Variants in KCNAB2 observed in about 807,000 individuals in gnomAD.
KCNAB2 encodes the protein potassium voltage-gated channel subfamily A regulatory beta subunit 2.
A neutral mutation model predicts 63.6 loss-of-function variants in KCNAB2; 29 were observed. The ratio of observed to expected loss-of-function variants is 0.46; its 90% confidence interval spans 0.34 to 0.62. The LOEUF (loss-of-function observed/expected upper bound fraction) is 0.62, where lower values mean the gene tolerates loss of function less well. Among genes scored for constraint, KCNAB2 ranks in the 20% least tolerant of loss-of-function variants. KCNAB2 has a pLI of 0.01. For missense variants in KCNAB2, 359 were observed against 563.9 expected, an observed-to-expected ratio of 0.64 and a Z score of 3.68; for synonymous variants, 222 against 224.2, an observed-to-expected ratio of 0.99 and a Z score of 0.09.
At chr1:6,084,668 T>G (rs1028465580) in intron 5 of KCNAB2, among the ~76,000 whole-genome samples, 6 of 151,980 alleles carry the variant, frequency 3.9e-5, no homozygotes, top group African/African-American at 1.2e-4. Flanking sequence ...ATACAAAAAT[T>G]AGCCGGGCGT....
chr1:6,015,195 C>T (rs757319762), intron 1 of KCNAB2, among the ~76,000 whole-genome samples: 10 of 152,010 alleles, frequency 6.6e-5, no homozygotes, highest in Non-Finnish European at 1.2e-4. Flanking sequence ...CCATGCCCAG[C>T]TACTTTTTGT....
chr1:6,087,381 G>C lies in KCNAB2; in HGVS notation c.426-86G>C. ...GGGTGGGAGGGCTTTCAGGACCTCT[G>C]TGTGAGAGATGAGGACGTCGGGGAT... On this transcript the variant is annotated intron_variant, in intron 6 of 15. Transcript: ENST00000378083. The surrounding 1 kb of genome is among the most constrained non-coding windows in gnomAD (Gnocchi z 6.4). 7.0e-7 allele frequency: 1 copy of C among 1,433,090 alleles called. No homozygotes were observed. The highest frequency in any genetic ancestry group is 9.8e-7 in the Non-Finnish European group (1 of 1,015,490). The allele number at this position is 1,433,090 out of a possible 1,614,324, so 88.8% of individuals were successfully genotyped here.
At position 6,085,361 on chromosome 1, in the gene KCNAB2, CT is replaced by C; in HGVS notation, c.425+116del. 3.4e-6 allele frequency: 3 copies of C among 888,594 alleles called. No homozygotes were observed. In the Admixed American group the frequency reaches 5.9e-5, roughly 18 times the overall value. 55.0% of individuals were successfully genotyped at this position (888,594 alleles called of 1,614,324 possible). On this transcript the variant is annotated intron_variant, in intron 6 of 15. Transcript: ENST00000378083. ...TCGTAAGGCCCGCAAGTCCCCACAT[CT>C]TTCTTGCTGGGAAGTGGAGAGGAAA...
chr1:6,068,016 A>G (rs1662898161), intron 2 of KCNAB2, among the ~76,000 whole-genome samples: 1 of 152,232 alleles, frequency 6.6e-6, no homozygotes, highest in African/African-American at 2.4e-5. Flanking sequence ...GGGTGACAGA[A>G]TGAGAGCCTG....
chr1:6,029,467 G>T (rs917715631), upstream of KCNAB2, among the ~76,000 whole-genome samples: 5 of 152,132 alleles, frequency 3.3e-5, no homozygotes, highest in Non-Finnish European at 7.4e-5. Context: ...AGCTTCACCT[G>T]CCTTCATGCA....
chr1:6,095,272 T>A (rs1555144), intron 11 of KCNAB2, 51 bp from the exon 12 acceptor site: 2 of 1,553,728 alleles, frequency 1.3e-6, no homozygotes, highest in Non-Finnish European at 1.7e-6. Flanking sequence ...CCCGGCAGCC[T>A]CCCGCCTGCT....
intron 1 of KCNAB2, among the ~76,000 whole-genome samples, chr1:6,022,473 T>C (rs1188962919): frequency 6.6e-6 from 1 of 152,054 alleles, no homozygotes; most frequent in East Asian, 1.9e-4. Context: ...AGTTCAGTGG[T>C]ATTGAGTGTG....
At chr1:6,032,404 C>G (rs1659689322), upstream of KCNAB2, among the ~76,000 whole-genome samples, 1 of 152,018 alleles carries the variant, frequency 6.6e-6, no homozygotes, top group Admixed American at 6.6e-5. Flanking sequence ...CATGGTGAAA[C>G]CATGTCTACT....
At chr1:6,045,794 G>T (rs867331516), upstream of KCNAB2, 51 of 566,818 alleles carry the variant, frequency 9.0e-5, no homozygotes, top group African/African-American at 9.4e-4. This position sits in a 1 kb window ranked among gnomAD's most constrained non-coding sequence, Gnocchi z 4.8. Flanking sequence ...TGTGTTTCTG[G>T]CACGCGGGGA....
chr1:6,017,138 G>C (rs948933248), intron 1 of KCNAB2, among the ~76,000 whole-genome samples: 2 of 152,162 alleles, frequency 1.3e-5, no homozygotes, highest in South Asian at 2.1e-4. Flanking sequence ...GGCCCACAAG[G>C]ATGGGCAAAT....
Position 6,096,758 on chromosome 1 carries a change from TA to T in KCNAB2, c.1069+4del. On this transcript the variant is annotated splice_donor_region_variant and intron_variant, in intron 14 of 15. Coordinates refer to ENST00000378083, the MANE Select transcript of KCNAB2 (RefSeq NM_001199862.2). This position sits in a 1 kb window ranked among gnomAD's most constrained non-coding sequence, Gnocchi z 5.9. ...GCACCCTGCCCCAGCTGGCCATAGGTAACGGTGGGGTCGCCATGGGGCCAGT... is the reference window on the plus strand; with the variant it reads ...GCACCCTGCCCCAGCTGGCCATAGGTACGGTGGGGTCGCCATGGGGCCAGT... 6.4e-7 allele frequency: 1 copy of T among 1,571,046 alleles called. No individual in the cohort carries two copies.
In KCNAB2 at chr1:6,100,190, C is replaced by A; in HGVS notation, c.*1616C>A. Reference sequence around the variant, plus strand: ...CCAAGGCCTGGGAAACTGTGAAAGTCAGAAAGGCCAGCGGGGAGAGGCTGG... The same window carrying A: ...CCAAGGCCTGGGAAACTGTGAAAGTAAGAAAGGCCAGCGGGGAGAGGCTGG... On this transcript the variant is annotated 3_prime_UTR_variant, in exon 16 of 16. Coordinates refer to ENST00000378083, the MANE Select transcript of KCNAB2 (RefSeq NM_001199862.2). 1 of 1,151,410 alleles carries A rather than the reference C, an allele frequency of 8.7e-7. No homozygotes were observed. The highest frequency in any genetic ancestry group is 1.2e-6 in the Non-Finnish European group (1 of 864,716). 71.3% of individuals were successfully genotyped at this position (1,151,410 alleles called of 1,614,324 possible).
In KCNAB2 at chr1:6,096,719, C is replaced by T. The variant is rs547813742; in HGVS notation, c.1032C>T (p.Ala344=). The change falls in exon 14 of 16, where the codon GCC becomes GCT. Residue 344 remains alanine, a synonymous_variant. Coordinates refer to ENST00000378083, the MANE Select transcript of KCNAB2 (RefSeq NM_001199862.2). The surrounding 1 kb of genome is among the most constrained non-coding windows in gnomAD (Gnocchi z 5.9). ...QAKLKELQAI[A]ERLGCTLPQL... ...AGCTGAAGGAGCTGCAGGCCATCGC[C>T]GAGCGCCTGGGCTGCACCCTGCCCC... 291 of 1,595,978 alleles carry T rather than the reference C, an allele frequency of 1.8e-4. 1 individual carries two copies. The South Asian group carries it at 2.6e-3, about 14-fold the overall frequency.
Position 5,994,858 on chromosome 1 carries a change from G to A in KCNAB2, c.-53+2070G>A, listed in dbSNP as rs915098269. 3.9e-5 allele frequency among the ~76,000 whole-genome samples: 6 copies of A among 152,170 alleles called. No individual in the cohort carries two copies. Among genetic ancestry groups the A allele is most frequent in the Non-Finnish European group, 7.4e-5 (5 of 68,026 alleles). On this transcript the variant is annotated intron_variant, in intron 1 of 16. Transcript: ENST00000341524. The surrounding 1 kb of genome is among the most constrained non-coding windows in gnomAD (Gnocchi z 5.4). ...AGACCCAAATGGTTCAGGAGGAAGC[G>A]AGTGCCACACAGTTTTGATTTGGCA...
Position 6,069,373 on chromosome 1 carries a change from G to A in KCNAB2, c.219-3382G>A, listed in dbSNP as rs552113196. 5.9e-5 allele frequency among the ~76,000 whole-genome samples: 9 copies of A among 152,192 alleles called. No individual in the cohort carries two copies. The highest frequency in any genetic ancestry group is 4.2e-4 in the South Asian group (2 of 4,814). On this transcript the variant is annotated intron_variant, in intron 2 of 15. Coordinates refer to ENST00000378083, the MANE Select transcript of KCNAB2 (RefSeq NM_001199862.2). This position sits in a 1 kb window ranked among gnomAD's most constrained non-coding sequence, Gnocchi z 5.4. ...TCATTTCCCGGAGCCTTCCAGCTCCGGCCCTTCCCAAGTCTGAAGTGCAGT... is the reference window on the plus strand; with the variant it reads ...TCATTTCCCGGAGCCTTCCAGCTCCAGCCCTTCCCAAGTCTGAAGTGCAGT...
At chr1:6,091,954 C>G (rs1665226099) in intron 10 of KCNAB2, among the ~76,000 whole-genome samples, 1 of 152,230 alleles carries the variant, frequency 6.6e-6, no homozygotes, top group African/African-American at 2.4e-5. Context: ...GGGGTGGCCT[C>G]TGGCCACGCA....
rs74049398 is a variant in KCNAB2, at chr1:6,090,617, C to T, written c.601+142C>T. On this transcript the variant is annotated intron_variant, in intron 9 of 15. Transcript: ENST00000378083. ...AGGAGGCCGGGTCCAGGGTGGGGGG[C>T]GAGGGGGCAGGCCTCCCCTCAGTAG... 3.7e-4 allele frequency: 235 copies of T among 635,364 alleles called. No individual in the cohort carries two copies. In the African/African-American group the frequency reaches 3.8e-3, roughly 10 times the overall value. The allele number at this position is 635,364 out of a possible 1,614,324, so 39.4% of individuals were successfully genotyped here.
At chr1:6,015,791 A>G (rs1570865576) in intron 1 of KCNAB2, among the ~76,000 whole-genome samples, 2 of 151,432 alleles carry the variant, frequency 1.3e-5, no homozygotes, top group Admixed American at 1.3e-4. Flanking sequence ...TGCAGCCTCC[A>G]CCTCCCCGGG....
chr1:6,051,254 G>A (rs1305000035), intron 1 of KCNAB2, among the ~76,000 whole-genome samples: 1 of 152,246 alleles, frequency 6.6e-6, no homozygotes, highest in Non-Finnish European at 1.5e-5. Flanking sequence ...CTTTGCCTGT[G>A]CTTGTCTCAC....
Sources: gnomAD v4.1 joint callset for allele counts (sites outside exome capture counted in the v4.1 genomes callset) on GRCh38, gnomAD v4.1.1 for gene constraint, Gnocchi (gnomAD v3.1) non-coding constraint, MANE v1.5 for transcripts, NCBI Gene and HGNC (gene_info 2026-07-23, HGNC 2026-07-21) for gene names.